The following AFF3 variants were observed in gnomAD, a reference collection of about 807,000 sequenced individuals.
AFF3 encodes AF4/FMR2 family member 3.
A neutral mutation model predicts 129.7 loss-of-function variants in AFF3; 32 were observed. The observed-to-expected ratio is 0.25, with a 90% CI of 0.19 to 0.33. AFF3 has a LOEUF of 0.33. Ranked by LOEUF, AFF3 falls within the 10% of genes least tolerant of loss-of-function variation. The probability of loss-of-function intolerance (pLI) is 1.00; values close to 1 mark genes in which losing one functional copy is unlikely to be tolerated. For synonymous variants in AFF3, 644 were observed against 635.4 expected (o/e 1.01, Z -0.20); for missense variants, 1,373 against 1,592.0 (o/e 0.86, Z 2.34).
intron 4 of AFF3, among the ~76,000 whole-genome samples, chr2:100,049,404 T>G (rs541274300): frequency 1.2e-4 from 19 of 152,320 alleles, no homozygotes; most frequent in Non-Finnish European, 2.1e-4. Context: ...GCTGGAAGAC[T>G]ATTATAGATT....
chr2:99,707,462 C>T, intron 11 of AFF3: 1 of 985,306 alleles, frequency 1.0e-6, no homozygotes, highest in South Asian at 4.7e-5. Context: ...CAGCACGAGG[C>T]AAACAAACAA....
At chr2:99,996,567 A>G (rs1271344195) in intron 7 of AFF3, among the ~76,000 whole-genome samples, 5 of 127,342 alleles carry the variant, frequency 3.9e-5, no homozygotes, top group African/African-American at 1.6e-4. Flanking sequence ...TTTTTAGTAG[A>G]GACGGGGTTT....
intron 10 of AFF3, among the ~76,000 whole-genome samples, chr2:99,738,380 C>T (rs576105070): frequency 1.3e-5 from 2 of 152,186 alleles, no homozygotes; most frequent in Non-Finnish European, 1.5e-5. Context: ...CAGCTATTAT[C>T]ATCCCTTCTA....
chr2:99,693,747 A>G (rs1675904547), intron 11 of AFF3, among the ~76,000 whole-genome samples: 1 of 152,198 alleles, frequency 6.6e-6, no homozygotes, highest in Admixed American at 6.5e-5. Flanking sequence ...TTTAAGGAAT[A>G]AAAGTGAAAG....
At chr2:99,775,119 G>A (rs1683792758) in intron 8 of AFF3, among the ~76,000 whole-genome samples, 1 of 152,164 alleles carries the variant, frequency 6.6e-6, no homozygotes, top group South Asian at 2.1e-4. Flanking sequence ...GGAGAAGAAG[G>A]AATGCTTTTA....
At chr2:99,651,819 G>T (rs1243138396) in intron 12 of AFF3, among the ~76,000 whole-genome samples, 1 of 152,028 alleles carries the variant, frequency 6.6e-6, no homozygotes, top group East Asian at 1.9e-4. Flanking sequence ...AGGAAAAATA[G>T]AATCTTCAGG....
intron 13 of AFF3, among the ~76,000 whole-genome samples, chr2:99,640,898 TAGA>T (rs1472689865): frequency 2.0e-5 from 3 of 152,198 alleles, no homozygotes; most frequent in Admixed American, 6.5e-5. Context: ...AAGGTTTCCG[TAGA>T]AGATGAGGCT....
chr2:99,592,753 G>A (rs1678813098), intron 15 of AFF3, among the ~76,000 whole-genome samples: 1 of 152,128 alleles, frequency 6.6e-6, no homozygotes, highest in Non-Finnish European at 1.5e-5. Flanking sequence ...GGCCAACATG[G>A]TGAAACCCTG....
At chr2:99,586,927 T>C (rs745615428) in intron 16 of AFF3, among the ~76,000 whole-genome samples, 1 of 152,164 alleles carries the variant, frequency 6.6e-6, no homozygotes, top group Admixed American at 6.6e-5. Context: ...GTGTAACTAG[T>C]ATCTGGTCTT....
intron 11 of AFF3, among the ~76,000 whole-genome samples, chr2:99,683,868 C>T (rs1425044389): frequency 6.6e-6 from 1 of 152,184 alleles, no homozygotes; most frequent in Non-Finnish European, 1.5e-5. Flanking sequence ...GAAAAGAAAG[C>T]CAGCGAGGTG....
chr2:99,988,371 A>G (rs1056762482), intron 7 of AFF3, among the ~76,000 whole-genome samples: 1 of 152,194 alleles, frequency 6.6e-6, no homozygotes, highest in Non-Finnish European at 1.5e-5. Context: ...ACAGCATGTT[A>G]GGGGGACAAC....
Position 99,672,178 on chromosome 2 carries a change from TCACACACACACA to T in AFF3, c.1143+348_1143+359del, listed in dbSNP as rs1177303721. On this transcript the variant is annotated intron_variant, in intron 12 of 24. Coordinates refer to ENST00000672756, the MANE Select transcript of AFF3 (RefSeq NM_001386135.1). ...GATCTCCAGAAGGCCAGTTAGCTTCTCACACACACACACACACACACACACACACACACACAC... is the reference window on the plus strand; with the variant it reads ...GATCTCCAGAAGGCCAGTTAGCTTCTCACACACACACACACACACACACAC... 9.6e-3 allele frequency among the ~76,000 whole-genome samples: 543 copies of T among 56,310 alleles called. 2 individuals carry two copies. Among genetic ancestry groups the T allele is most frequent in the African/African-American group, 0.059 (503 of 8,460 alleles). 36.9% of individuals were successfully genotyped at this position (56,310 alleles called of 152,430 possible).
At chr2:99,905,549 T>C (rs767658446) in intron 7 of AFF3, among the ~76,000 whole-genome samples, 8 of 152,216 alleles carry the variant, frequency 5.3e-5, no homozygotes, top group East Asian at 1.9e-4. Context: ...CACTGGCTTA[T>C]TGTTTGTTCC....
rs10170510 is a variant in AFF3 at position 99,557,762 on chromosome 2, T to C, written c.3285+1113A>G. Among the ~76,000 whole-genome samples the C allele has an allele frequency of 3.2e-3, 486 of 152,200 alleles. 1 individual carries two copies. The highest frequency in any genetic ancestry group is 0.011 in the African/African-American group (470 of 41,510). ...CACCTGGTTACTCTACATGCACAAT[T>C]GGAAGGCAGTGTGCTGAACATACCC... On this transcript the variant is annotated intron_variant, in intron 22 of 24. Transcript: ENST00000672756.
chr2:99,852,774 C>A (rs1690245204), intron 7 of AFF3, among the ~76,000 whole-genome samples: 1 of 152,226 alleles, frequency 6.6e-6, no homozygotes, highest in Non-Finnish European at 1.5e-5. Flanking sequence ...CAGCATGAAA[C>A]TTCCCTCATA....
intron 4 of AFF3, among the ~76,000 whole-genome samples, chr2:100,055,206 C>T (rs1573276603): frequency 6.6e-6 from 1 of 152,114 alleles, no homozygotes; most frequent in East Asian, 1.9e-4. Context: ...ATAGGGAAGG[C>T]CTTTATATTT....
intron 13 of AFF3, 29 bp from the exon 14 acceptor site, chr2:99,601,650 A>G: frequency 1.1e-5 from 17 of 1,579,408 alleles, no homozygotes; most frequent in Non-Finnish European, 1.5e-5. Flanking sequence ...CCCGGGAAGC[A>G]GAGGGAAGGA....
chr2:100,029,423 T>A (rs1400070109), intron 4 of AFF3, among the ~76,000 whole-genome samples: 1 of 152,138 alleles, frequency 6.6e-6, no homozygotes, highest in African/African-American at 2.4e-5. Flanking sequence ...AATTCCAGCC[T>A]CCAGAATGGT....
At chr2:100,027,101 G>GA (rs890903493) in intron 4 of AFF3, among the ~76,000 whole-genome samples, 3 of 151,870 alleles carry the variant, frequency 2.0e-5, no homozygotes, top group African/African-American at 7.3e-5. Flanking sequence ...AATAAACAGA[G>GA]AAAAAAAGTG....
Sources: allele counts gnomAD v4.1 joint callset (sites outside exome capture counted in the v4.1 genomes callset), GRCh38; gene constraint gnomAD v4.1.1; transcripts MANE v1.5; gene names NCBI Gene and HGNC (gene_info 2026-07-23, HGNC 2026-07-21).